MRPL58: variants seen among roughly 807,000 people sequenced by gnomAD.
MRPL58 encodes the protein large ribosomal subunit protein mL62.
A neutral mutation model predicts 26.0 loss-of-function variants in MRPL58; 17 were observed. The ratio of observed to expected loss-of-function variants is 0.65; its 90% confidence interval spans 0.45 to 0.98. The LOEUF is 0.98. Ranked by LOEUF, MRPL58 falls within the 50% of genes least tolerant of loss-of-function variation. The pLI is 0.00. For synonymous variants in MRPL58, 100 were observed against 99.7 expected, an observed-to-expected ratio of 1.00 and a Z score of -0.02; for missense variants, 250 against 269.0, an observed-to-expected ratio of 0.93 and a Z score of 0.49.
At chr17:75,015,792 G>A (rs1273547315) in intron 1 of MRPL58, among the ~76,000 whole-genome samples, 1 of 151,918 alleles carries the variant, frequency 6.6e-6, no homozygotes, top group Non-Finnish European at 1.5e-5. Context: ...CTGAGACAAA[G>A]TCTCGTTAGC....
At chr17:75,016,978 GT>G (rs2039978729) in intron 1 of MRPL58, 99 bp from the exon 2 acceptor site, 1 of 876,042 alleles carries the variant, frequency 1.1e-6, no homozygotes, top group African/African-American at 1.6e-5. Context: ...AATGTACAAT[GT>G]TTGTGTTGTG....
At position 75,020,634 on chromosome 17, in the gene MRPL58, A is replaced by T; in HGVS notation, c.513A>T (p.Glu171Asp). 1.2e-6 allele frequency: 2 copies of T among 1,614,192 alleles called. No homozygotes were observed. The highest frequency in any genetic ancestry group is 1.1e-5 in the South Asian group (1 of 91,082). Residue 171 changes from glutamate (E) to aspartate (D), a missense_variant, in exon 5 of 6, where the codon GAA becomes GAT. Coordinates refer to ENST00000301585, the MANE Select transcript of MRPL58 (RefSeq NM_001545.3). ...ASQTPKEPTK[E>D]DVKLHRIRIE... ...AGACACCGAAGGAGCCAACAAAAGA[A>T]GATGTTAAACTTCATAGAATCAGGT...
intron 3 of MRPL58, 53 bp downstream of exon 3, chr17:75,019,812 G>A: frequency 7.2e-7 from 1 of 1,395,482 alleles, no homozygotes; most frequent in South Asian, 1.3e-5. Flanking sequence ...TGGGAGATGG[G>A]CTTGAGGAGC....
At chr17:75,019,392 G>A (rs2039998408) in intron 2 of MRPL58, among the ~76,000 whole-genome samples, 1 of 152,170 alleles carries the variant, frequency 6.6e-6, no homozygotes, top group Non-Finnish European at 1.5e-5. Flanking sequence ...AAGGTTGCCA[G>A]CAATCACCAT....
At chr17:75,019,173 G>A (rs1166771949) in intron 2 of MRPL58, among the ~76,000 whole-genome samples, 2 of 151,974 alleles carry the variant, frequency 1.3e-5, no homozygotes, top group African/African-American at 4.8e-5. Flanking sequence ...GTGCATGTGT[G>A]TAGGGGAGGA....
intron 1 of MRPL58, among the ~76,000 whole-genome samples, chr17:75,013,215 GT>G (rs752882427): frequency 2.0e-5 from 3 of 152,226 alleles, no homozygotes; most frequent in Non-Finnish European, 4.4e-5. Context: ...CTGCCAAGTT[GT>G]TTGCTACCCT....
chr17:75,016,384 C>T (rs2039974306), intron 1 of MRPL58, among the ~76,000 whole-genome samples: 1 of 152,036 alleles, frequency 6.6e-6, no homozygotes, highest in Non-Finnish European at 1.5e-5. Flanking sequence ...CTATTGTACT[C>T]CAGCCTGGGC....
chr17:75,017,146 G>T (rs1407681300), intron 2 of MRPL58, 32 bp downstream of exon 2: 2 of 1,573,182 alleles, frequency 1.3e-6, no homozygotes. Flanking sequence ...AAAATCAGTT[G>T]GCTGCGTGGT....
Position 75,020,270 on chromosome 17 carries a change from G to T in MRPL58, c.284-43G>T, listed in dbSNP as rs762597915. On this transcript the variant is annotated intron_variant, in intron 3 of 5. Coordinates refer to ENST00000301585, the MANE Select transcript of MRPL58 (RefSeq NM_001545.3). Reference sequence around the variant, plus strand: ...GTCACCCAGGGGTTGATCCTTCCTGGAAGTCTCAGGCACCCATGCTCCCTT... The same window carrying T: ...GTCACCCAGGGGTTGATCCTTCCTGTAAGTCTCAGGCACCCATGCTCCCTT... The T allele has an allele frequency of 1.0e-5, 15 of 1,502,056 alleles. No homozygotes were observed. Among genetic ancestry groups the T allele is most frequent in the Non-Finnish European group, 1.4e-5 (15 of 1,079,216 alleles). The allele number at this position is 1,502,056 out of a possible 1,614,324, so 93.0% of individuals were successfully genotyped here.
intron 2 of MRPL58, among the ~76,000 whole-genome samples, chr17:75,019,206 C>T (rs1290957590): frequency 1.3e-5 from 2 of 152,048 alleles, no homozygotes; most frequent in East Asian, 3.9e-4. Flanking sequence ...CCTATCTCAT[C>T]AGAACTGGAG....
In MRPL58 at chr17:75,020,584, C is replaced by T. The variant is rs1262713189; in HGVS notation, c.463C>T (p.Arg155Ter). 5 of 1,613,964 alleles carry T rather than the reference C, an allele frequency of 3.1e-6. No individual in the cohort carries two copies. The highest frequency in any genetic ancestry group is 4.5e-5 in the East Asian group (2 of 44,880). Reference protein sequence around the residue: ...RNLADCLQKIRDMITEASQTP... With the variant: ...RNLADCLQKI ...TCTGGCAGATTGCCTGCAGAAAATT[C>T]GAGACATGATCACTGAGGCCAGCCA... is the stretch of plus-strand genomic sequence containing the variant. Residue 155 changes from arginine (R) to a stop codon, truncating the protein, a stop_gained, in exon 5 of 6, where the codon CGA (arginine) becomes TGA (stop). Transcript: ENST00000301585. LOFTEE classifies it high-confidence loss of function.
intron 1 of MRPL58, among the ~76,000 whole-genome samples, chr17:75,013,939 TTA>T (rs2039952626): frequency 6.6e-6 from 1 of 152,126 alleles, no homozygotes; most frequent in African/African-American, 2.4e-5. Context: ...CAGAATGGAA[TTA>T]TCTTAGTTTT....
rs765677444 is a variant in MRPL58, at chr17:75,012,742, T to C, written c.56T>C (p.Leu19Pro). The C allele has an allele frequency of 4.4e-6, 7 of 1,584,762 alleles. No individual in the cohort carries two copies. The highest frequency in any genetic ancestry group is 5.1e-6 in the Non-Finnish European group (6 of 1,167,696). The stretch of plus-strand genomic sequence containing the variant: ...CTGAGCCGAGCCGGAGTCTGGCTGC[T>C]CCCACCGCCCGCACGGTGCCCACGC... ...WGLSRAGVWLLPPPARCPRRA... is the reference protein window; with the variant it reads ...WGLSRAGVWLPPPPARCPRRA... Residue 19 changes from leucine to proline, a missense_variant, in exon 1 of 6, where the codon CTC becomes CCC. By Grantham distance (98) the Leu-to-Pro change is moderately conservative. Coordinates refer to ENST00000301585, the MANE Select transcript of MRPL58 (RefSeq NM_001545.3).
intron 1 of MRPL58, 94 bp downstream of exon 1, chr17:75,012,966 T>C: frequency 2.5e-6 from 3 of 1,193,280 alleles, no homozygotes; most frequent in Non-Finnish European, 2.4e-6. Context: ...TGGAGCTACG[T>C]CGGGGGGCTA....
intron 1 of MRPL58, among the ~76,000 whole-genome samples, chr17:75,015,684 G>A (rs899553806): frequency 4.6e-5 from 7 of 152,210 alleles, no homozygotes; most frequent in African/African-American, 1.4e-4. Context: ...CTTCAGGAAG[G>A]AGGGTGTGGC....
In MRPL58 at chr17:75,020,505, C is replaced by CA. The variant is rs2040008041; in HGVS notation, c.385dup (p.Arg129LysfsTer10). ...CTCTGCAGCATAAAAACAAGATCAA[C>CA]AGGTTAGGAGAGTTGATCCTCACCT... On this transcript the variant is annotated frameshift_variant, in exon 5 of 6. Transcript: ENST00000301585. LOFTEE classifies it high-confidence loss of function. 1 of 1,613,970 alleles carries CA rather than the reference C, an allele frequency of 6.2e-7. No homozygotes were observed. The highest frequency in any genetic ancestry group is 1.1e-5 in the South Asian group (1 of 91,092).
intron 1 of MRPL58, 125 bp downstream of exon 1, chr17:75,012,997 G>T: frequency 1.2e-6 from 1 of 861,438 alleles, no homozygotes; most frequent in Non-Finnish European, 1.8e-6. Context: ...GCCGCGGGAG[G>T]GGGCTGGCTG....
In MRPL58 at chr17:75,020,056, ATTTTTT is replaced by A. The variant is rs35323952; in HGVS notation, c.284-242_284-237del. ...CATTCTGGTGCAACCCATTCCCTCC[ATTTTTT>A]TTTTTTTTTTTTTTGAACCCAGTAA... On this transcript the variant is annotated intron_variant, in intron 3 of 5. Coordinates refer to ENST00000301585, the MANE Select transcript of MRPL58 (RefSeq NM_001545.3). Among the ~76,000 whole-genome samples, 101 of 123,710 alleles carry A rather than the reference ATTTTTT, an allele frequency of 8.2e-4. 1 individual carries two copies. Among genetic ancestry groups the A allele is most frequent in the Admixed American group, 2.4e-3 (29 of 12,176 alleles). 81.2% of individuals were successfully genotyped at this position (123,710 alleles called of 152,430 possible). A position where few individuals can be genotyped will look rare whatever the true frequency, so the allele number is the denominator to read the frequency against.
intron 1 of MRPL58, among the ~76,000 whole-genome samples, chr17:75,014,637 G>A (rs112568756): frequency 1.3e-5 from 2 of 151,674 alleles, no homozygotes; most frequent in South Asian, 2.1e-4. Context: ...GTAGAGACAG[G>A]GTTTTCACCA....
Sources: gnomAD v4.1 joint callset for allele counts (sites outside exome capture counted in the v4.1 genomes callset) on GRCh38, gnomAD v4.1.1 for gene constraint, MANE v1.5 for transcripts, NCBI Gene and HGNC (gene_info 2026-07-23, HGNC 2026-07-21) for gene names.